DGKB: variants seen among roughly 807,000 people sequenced by gnomAD.
The protein encoded by DGKB is 90 kDa diacylglycerol kinase.
DGKB carries 67 observed loss-of-function variants against 114.3 expected under a neutral mutation model. The observed-to-expected ratio is 0.59, with a 90% confidence interval of 0.48 to 0.72. The LOEUF is 0.72. Ranked by LOEUF, DGKB falls within the 30% of genes least tolerant of loss-of-function variation. The pLI is 0.00. For synonymous variants in DGKB, 398 were observed against 323.1 expected, an observed-to-expected ratio of 1.23 and a Z score of -2.49; for missense variants, 907 against 975.2, an observed-to-expected ratio of 0.93 and a Z score of 0.93.
intron 1 of DGKB, among the ~76,000 whole-genome samples, chr7:14,896,893 C>A (rs1782191240): frequency 6.6e-6 from 1 of 151,744 alleles, no homozygotes; most frequent in Admixed American, 6.6e-5. Context: ...TTCTCCATAA[C>A]CTTATTCACA....
intron 2 of DGKB, among the ~76,000 whole-genome samples, chr7:14,812,225 T>A (rs1312302457): frequency 2.0e-5 from 3 of 152,218 alleles, no homozygotes; most frequent in African/African-American, 7.2e-5. Flanking sequence ...CTTTTAGTTA[T>A]TATGAATAAT....
At chr7:14,630,102 G>A (rs1809411674) in intron 14 of DGKB, 134 bp downstream of exon 14, 2 of 496,150 alleles carry the variant, frequency 4.0e-6, no homozygotes, top group Non-Finnish European at 6.9e-6. Context: ...CCAATTAGCA[G>A]AATATGAAAA....
chr7:14,408,497 C>G (rs1368017970), intron 21 of DGKB, among the ~76,000 whole-genome samples: 5 of 152,030 alleles, frequency 3.3e-5, no homozygotes, highest in Admixed American at 3.3e-4. Flanking sequence ...GTAGGCTGAA[C>G]TGGAAAAGTC....
chr7:14,403,086 A>G (rs1823384884), intron 21 of DGKB, among the ~76,000 whole-genome samples: 1 of 152,100 alleles, frequency 6.6e-6, no homozygotes, highest in South Asian at 2.1e-4. Flanking sequence ...ATGTATATAC[A>G]TACATAGATA....
At chr7:14,692,998 C>T (rs1197993334) in intron 9 of DGKB, among the ~76,000 whole-genome samples, 1 of 152,060 alleles carries the variant, frequency 6.6e-6, no homozygotes, top group African/African-American at 2.4e-5. Context: ...TTTATATATA[C>T]TCATATGTTT....
At chr7:14,736,430 A>T (rs1586102866) in intron 4 of DGKB, among the ~76,000 whole-genome samples, 1 of 152,196 alleles carries the variant, frequency 6.6e-6, no homozygotes, top group East Asian at 1.9e-4. Context: ...GTTTCTAGTT[A>T]GATATTTCTA....
chr7:14,682,747 A>C lies in DGKB; in HGVS notation c.918+6T>G. 1 of 1,612,536 alleles carries C rather than the reference A, an allele frequency of 6.2e-7. No individual in the cohort carries two copies. Among genetic ancestry groups the C allele is most frequent in the Non-Finnish European group, 8.5e-7 (1 of 1,178,880 alleles). Reference sequence around the variant, plus strand: ...CTTCAGAAAGCAAGCATGCACACAAACTTACATCAGTGTTCCTTTTGGACT... The same window carrying C: ...CTTCAGAAAGCAAGCATGCACACAACCTTACATCAGTGTTCCTTTTGGACT... On this transcript the variant is annotated splice_donor_region_variant and intron_variant, in intron 11 of 25. Transcript: ENST00000402815.
At chr7:14,953,382 G>T (rs1786316588) in intron 1 of DGKB, among the ~76,000 whole-genome samples, 1 of 151,976 alleles carries the variant, frequency 6.6e-6, no homozygotes, top group South Asian at 2.1e-4. Context: ...ATTTTTAAAT[G>T]GGAGAAAGCT....
intron 1 of DGKB, among the ~76,000 whole-genome samples, chr7:14,886,735 C>G (rs796358665): frequency 5.0e-4 from 76 of 152,020 alleles, no homozygotes; most frequent in African/African-American, 1.8e-3. Flanking sequence ...GGCCCACCTG[C>G]AGTTCATCCA....
chr7:14,274,136 C>T (rs1798657467), intron 23 of DGKB, among the ~76,000 whole-genome samples: 1 of 152,102 alleles, frequency 6.6e-6, no homozygotes. Flanking sequence ...CAGGTGATTG[C>T]CAGTTTGGTC....
intron 23 of DGKB, among the ~76,000 whole-genome samples, chr7:14,225,727 TA>T (rs11314014): frequency 0.04 from 6,016 of 151,748 alleles, 381 homozygotes; most frequent in African/African-American, 0.14. Context: ...GATAGAGATT[TA>T]AAAAAAATAA....
chr7:14,502,385 C>T (rs1786333615), intron 20 of DGKB, among the ~76,000 whole-genome samples: 1 of 151,738 alleles, frequency 6.6e-6, no homozygotes, highest in Non-Finnish European at 1.5e-5. Flanking sequence ...GCCCATGAAT[C>T]AAAGAAAAAA....
At chr7:14,365,547 T>C (rs1290438756) in intron 21 of DGKB, among the ~76,000 whole-genome samples, 1 of 152,050 alleles carries the variant, frequency 6.6e-6, no homozygotes, top group Non-Finnish European at 1.5e-5. Flanking sequence ...GTATAATACA[T>C]AGATCATATC....
At chr7:14,683,335 T>C (rs774593695) in intron 10 of DGKB, among the ~76,000 whole-genome samples, 2 of 152,174 alleles carry the variant, frequency 1.3e-5, no homozygotes, top group Non-Finnish European at 2.9e-5. Context: ...GATTTCATCA[T>C]ACATGCCAGG....
chr7:14,476,249 G>C (rs1054653079), intron 21 of DGKB, among the ~76,000 whole-genome samples: 1 of 151,872 alleles, frequency 6.6e-6, no homozygotes, highest in Non-Finnish European at 1.5e-5. Context: ...CACATTAATA[G>C]CTATATTCAT....
At chr7:14,476,948 C>A (rs550074680) in intron 21 of DGKB, among the ~76,000 whole-genome samples, 3 of 152,022 alleles carry the variant, frequency 2.0e-5, no homozygotes, top group Admixed American at 6.6e-5. Flanking sequence ...GACATGGTTT[C>A]CTCATGTTGG....
At chr7:14,867,266 T>G (rs1489501382) in intron 1 of DGKB, among the ~76,000 whole-genome samples, 1 of 152,186 alleles carries the variant, frequency 6.6e-6, no homozygotes, top group African/African-American at 2.4e-5. Context: ...TCATGGACTC[T>G]GCCTTTGGTG....
At chr7:14,353,571 G>A (rs1813888776) in intron 21 of DGKB, among the ~76,000 whole-genome samples, 1 of 152,080 alleles carries the variant, frequency 6.6e-6, no homozygotes, top group African/African-American at 2.4e-5. Context: ...CCTTGAAATA[G>A]TCTCTGAATT....
chr7:14,887,486 G>A (rs909371663), intron 1 of DGKB, among the ~76,000 whole-genome samples: 2 of 151,430 alleles, frequency 1.3e-5, no homozygotes, highest in African/African-American at 2.4e-5. Flanking sequence ...GTCCCTAAGG[G>A]GTCTCTTCTG....
Sources: gnomAD v4.1 joint callset for allele counts (sites outside exome capture counted in the v4.1 genomes callset) on GRCh38, gnomAD v4.1.1 for gene constraint, MANE v1.5 for transcripts, NCBI Gene and HGNC (gene_info 2026-07-23, HGNC 2026-07-21) for gene names.